CDH4: variants seen among roughly 807,000 people sequenced by gnomAD.
CDH4 encodes the protein cadherin 4, also known as cadherin-4.
A neutral mutation model predicts 86.0 loss-of-function variants in CDH4; 33 were observed. The observed-to-expected ratio is 0.38, with a 90% CI of 0.29 to 0.51. The LOEUF (loss-of-function observed/expected upper bound fraction) is 0.51. CDH4 is among the 20% of genes least tolerant of loss of function. The pLI is 0.86. For synonymous variants in CDH4, 555 were observed against 549.4 expected (o/e 1.01, Z -0.14); for missense variants, 1,114 against 1,307.4 (o/e 0.85, Z 2.28).
At chr20:61,909,274 A>G (rs1800386070) in intron 8 of CDH4, among the ~76,000 whole-genome samples, 1 of 152,132 alleles carries the variant, frequency 6.6e-6, no homozygotes, top group African/African-American at 2.4e-5. Context: ...CCGTCACATC[A>G]CAGAGCGCTG....
At chr20:61,483,500 C>T (rs1462774388) in intron 2 of CDH4, among the ~76,000 whole-genome samples, 1 of 152,204 alleles carries the variant, frequency 6.6e-6, no homozygotes, top group African/African-American at 2.4e-5. Context: ...GACTCCTCCT[C>T]TTCTCAGGGA....
intron 2 of CDH4, among the ~76,000 whole-genome samples, chr20:61,626,053 G>C (rs1385315743): frequency 2.6e-5 from 4 of 152,266 alleles, no homozygotes; most frequent in Non-Finnish European, 5.9e-5. Context: ...GGCACACTTA[G>C]CCCCTGCAAT....
intron 2 of CDH4, among the ~76,000 whole-genome samples, chr20:61,536,143 C>T (rs2085995666): frequency 6.6e-6 from 1 of 152,218 alleles, no homozygotes; most frequent in Non-Finnish European, 1.5e-5. Context: ...GCCAGCCAGG[C>T]CCAAACCAGC....
At chr20:61,548,988 G>T (rs1434987655) in intron 2 of CDH4, among the ~76,000 whole-genome samples, 1 of 152,110 alleles carries the variant, frequency 6.6e-6, no homozygotes, top group Non-Finnish European at 1.5e-5. Context: ...GGTCTCGGGG[G>T]GAGAGGCGGG....
intron 2 of CDH4, among the ~76,000 whole-genome samples, chr20:61,455,068 T>C (rs991609524): frequency 6.6e-6 from 1 of 152,204 alleles, no homozygotes; most frequent in African/African-American, 2.4e-5. Flanking sequence ...TTCAAGCACA[T>C]TTTCATCACC....
At chr20:61,839,480 G>A (rs1982041114) in intron 4 of CDH4, among the ~76,000 whole-genome samples, 1 of 151,026 alleles carries the variant, frequency 6.6e-6, no homozygotes, top group Non-Finnish European at 1.5e-5. Context: ...GCATGTGTAT[G>A]TGTGTTTGTG....
chr20:61,291,285 A>T (rs956631546), intron 2 of CDH4, among the ~76,000 whole-genome samples: 76 of 152,362 alleles, frequency 5.0e-4, no homozygotes, highest in Admixed American at 4.2e-3. Flanking sequence ...AGTTGTGATT[A>T]AGTTAATGAT....
At chr20:61,924,218 A>T in intron 10 of CDH4, 116 bp from the exon 11 acceptor site, 4 of 1,043,840 alleles carry the variant, frequency 3.8e-6, no homozygotes, top group Non-Finnish European at 5.6e-6. Flanking sequence ...GGCTCCAAGG[A>T]GACAGAGACA....
chr20:61,351,534 G>A (rs1460755479), intron 2 of CDH4, among the ~76,000 whole-genome samples: 1 of 152,174 alleles, frequency 6.6e-6, no homozygotes, highest in East Asian at 1.9e-4. Flanking sequence ...TACTTTTGTT[G>A]TAATTTTTAT....
chr20:61,274,496 G>A (rs1407287473), intron 2 of CDH4, among the ~76,000 whole-genome samples: 4 of 144,530 alleles, frequency 2.8e-5, no homozygotes, highest in Non-Finnish European at 6.0e-5. Context: ...ACCGTGTGCA[G>A]TTTGGGGGAG....
intron 7 of CDH4, among the ~76,000 whole-genome samples, chr20:61,888,694 A>C (rs1294003903): frequency 6.6e-6 from 1 of 152,220 alleles, no homozygotes; most frequent in Non-Finnish European, 1.5e-5. Context: ...TCCATCCCAC[A>C]TTCAGGAGAC....
intron 2 of CDH4, among the ~76,000 whole-genome samples, chr20:61,474,616 A>G (rs1040327137): frequency 1.4e-4 from 22 of 152,204 alleles, no homozygotes; most frequent in African/African-American, 5.3e-4. Context: ...TAAACAGGTG[A>G]TTTTTTATAA....
intron 2 of CDH4, among the ~76,000 whole-genome samples, chr20:61,696,296 CA>C (rs1192201158): frequency 6.6e-6 from 1 of 152,244 alleles, no homozygotes; most frequent in East Asian, 1.9e-4. Flanking sequence ...AGGGCTGAGC[CA>C]GGGGCAGGGC....
chr20:61,540,876 A>G (rs1263858578), intron 2 of CDH4, among the ~76,000 whole-genome samples: 5 of 152,056 alleles, frequency 3.3e-5, no homozygotes, highest in Non-Finnish European at 4.4e-5. Context: ...AGACCCTCCA[A>G]TAAGGCAGGA....
chr20:61,410,762 C>G (rs911808007), intron 2 of CDH4, among the ~76,000 whole-genome samples: 3 of 152,136 alleles, frequency 2.0e-5, no homozygotes, highest in African/African-American at 7.2e-5. Flanking sequence ...ATCTATCCAT[C>G]CATTCATCCA....
chr20:61,254,716 G>A, intron 1 of CDH4, 110 bp from the exon 2 acceptor site: 1 of 753,326 alleles, frequency 1.3e-6, no homozygotes, highest in South Asian at 1.6e-5. Flanking sequence ...TGGCCTGCCA[G>A]CCTTTCTCTC....
At chr20:61,343,632 C>T (rs1471750671) in intron 2 of CDH4, among the ~76,000 whole-genome samples, 1 of 152,206 alleles carries the variant, frequency 6.6e-6, no homozygotes, top group Non-Finnish European at 1.5e-5. Flanking sequence ...CAAATGACCC[C>T]AGGGTCTCAG....
At chr20:61,311,130 G>A (rs1449517506) in intron 2 of CDH4, among the ~76,000 whole-genome samples, 1 of 152,158 alleles carries the variant, frequency 6.6e-6, no homozygotes, top group East Asian at 1.9e-4. Flanking sequence ...GATGTTCTGG[G>A]TGAGATGGGT....
chr20:61,385,454 C>CG (rs1216839972), intron 2 of CDH4, among the ~76,000 whole-genome samples: 4 of 140,042 alleles, frequency 2.9e-5, no homozygotes, highest in Non-Finnish European at 6.2e-5. Context: ...AAATCCCCGC[C>CG]GCCCCCCGCC....
Sources: gnomAD v4.1 joint callset for allele counts (sites outside exome capture counted in the v4.1 genomes callset) on GRCh38, gnomAD v4.1.1 for gene constraint, MANE v1.5 for transcripts, NCBI Gene and HGNC (gene_info 2026-07-23, HGNC 2026-07-21) for gene names.